CNIH3: variants seen among roughly 807,000 people sequenced by gnomAD.
CNIH3 encodes the protein protein cornichon homolog 3.
Under a neutral mutation model 24.1 loss-of-function variants are expected in CNIH3, and 14 were observed. That is an observed-to-expected ratio of 0.58 (90% CI 0.38 to 0.91). CNIH3 has a LOEUF of 0.91. CNIH3 is among the 40% of genes least tolerant of loss of function. The pLI is 0.00. For missense variants in CNIH3, 178 were observed against 196.8 expected (o/e 0.90, Z 0.57); for synonymous variants, 68 against 73.8 (o/e 0.92, Z 0.40).
rs1302902400 is a variant in CNIH3 at position 224,492,665 on chromosome 1, TG to T, written n.204-23075del. Among the ~76,000 whole-genome samples the T allele has an allele frequency of 3.9e-5, 6 of 152,350 alleles. No homozygotes were observed. In the East Asian group the frequency reaches 1.2e-3, roughly 29 times the overall value. Reference sequence around the variant, plus strand: ...GAATTTTAATAAGAAGATTTTATTTTGCTGATCTTGGGGTAGACAGTCTGCT... The same window carrying T: ...GAATTTTAATAAGAAGATTTTATTTTCTGATCTTGGGGTAGACAGTCTGCT... On this transcript the variant is annotated intron_variant and non_coding_transcript_variant, in intron 1 of 5. Coordinates refer to the CNIH3 transcript ENST00000471578.
intron 5 of CNIH3, among the ~76,000 whole-genome samples, chr1:224,583,927 G>A (rs764738129): frequency 2.6e-5 from 4 of 152,164 alleles, no homozygotes; most frequent in Admixed American, 6.5e-5. Context: ...TAGACCAGTC[G>A]CTGCTCCAAT....
At chr1:224,447,048 T>A (rs894575511) in intron 1 of CNIH3, among the ~76,000 whole-genome samples, 3 of 151,970 alleles carry the variant, frequency 2.0e-5, no homozygotes, top group African/African-American at 7.3e-5. Context: ...GTGTTAGGGT[T>A]CTCCCGAGAG....
chr1:224,671,308 A>C (rs909967265), intron 1 of CNIH3, among the ~76,000 whole-genome samples: 6 of 152,240 alleles, frequency 3.9e-5, no homozygotes, highest in Admixed American at 2.6e-4. Context: ...GCTGGTTGGA[A>C]GTTCAACTTC....
intron 1 of CNIH3, among the ~76,000 whole-genome samples, chr1:224,622,458 C>T (rs186272929): frequency 5.3e-5 from 8 of 152,260 alleles, no homozygotes; most frequent in African/African-American, 7.2e-5. Context: ...CGTTGCTTGC[C>T]GCTTTATCCT....
chr1:224,517,019 C>G (rs1037296398), intron 1 of CNIH3, among the ~76,000 whole-genome samples: 1 of 152,064 alleles, frequency 6.6e-6, no homozygotes, highest in South Asian at 2.1e-4. Flanking sequence ...CACCTGGATC[C>G]TGGAGATGGG....
At chr1:224,453,766 C>T (rs1675528928) in intron 1 of CNIH3, among the ~76,000 whole-genome samples, 2 of 152,072 alleles carry the variant, frequency 1.3e-5, no homozygotes, top group Non-Finnish European at 2.9e-5. Flanking sequence ...TCTGCCTCAG[C>T]CTCCTTCATG....
At chr1:224,714,686 A>G (rs146240116) in intron 3 of CNIH3, among the ~76,000 whole-genome samples, 3 of 152,338 alleles carry the variant, frequency 2.0e-5, no homozygotes, top group South Asian at 2.1e-4. Context: ...TGAGCTGCCC[A>G]TGATTGAAAT....
chr1:224,573,486 A>T (rs550859221), intron 4 of CNIH3, among the ~76,000 whole-genome samples: 2 of 152,334 alleles, frequency 1.3e-5, no homozygotes, highest in Non-Finnish European at 2.9e-5. Flanking sequence ...GGAGATCTTC[A>T]TAAGGCTGGA....
intron 5 of CNIH3, among the ~76,000 whole-genome samples, chr1:224,585,902 A>G (rs923296025): frequency 6.6e-6 from 1 of 152,204 alleles, no homozygotes; most frequent in Non-Finnish European, 1.5e-5. Context: ...ACTAGATTAG[A>G]TTTTTAAAAA....
intron 2 of CNIH3, among the ~76,000 whole-genome samples, chr1:224,536,284 C>CTTTTT (rs373201561): frequency 7.7e-4 from 66 of 86,086 alleles, no homozygotes; most frequent in East Asian, 4.4e-3. Flanking sequence ...TAATTGTTGT[C>CTTTTT]TTTTTTTTTT....
intron 1 of CNIH3, among the ~76,000 whole-genome samples, chr1:224,451,971 A>G (rs1285195064): frequency 3.3e-5 from 5 of 152,146 alleles, no homozygotes; most frequent in Non-Finnish European, 7.3e-5. Flanking sequence ...CTGCTTCTAT[A>G]CAGGTTATGT....
In CNIH3 at chr1:224,695,357, A is replaced by AACACAC. The variant is rs56245587; in HGVS notation, c.198+10547_198+10552dup. 1.4e-3 allele frequency among the ~76,000 whole-genome samples: 198 copies of AACACAC among 145,852 alleles called. 1 individual carries two copies. Among genetic ancestry groups the AACACAC allele is most frequent in the African/African-American group, 3.7e-3 (139 of 37,990 alleles). On this transcript the variant is annotated intron_variant, in intron 3 of 5. Transcript: ENST00000272133. ...GTTCCTTAAAATCTCTCTCTTTCTA[A>AACACAC]ACACACACACACACACACACACACA...
At chr1:224,706,224 G>A (rs1687802462) in intron 3 of CNIH3, among the ~76,000 whole-genome samples, 1 of 152,102 alleles carries the variant, frequency 6.6e-6, no homozygotes. Flanking sequence ...GGCTAGGGTG[G>A]GGACAAAAGT....
At chr1:224,439,525 T>C (rs1036208475) in intron 1 of CNIH3, among the ~76,000 whole-genome samples, 2 of 151,660 alleles carry the variant, frequency 1.3e-5, no homozygotes, top group African/African-American at 2.4e-5. Context: ...GCAGCACTTT[T>C]GCAGTATGGG....
At chr1:224,525,530 T>A (rs10799582) in intron 2 of CNIH3, among the ~76,000 whole-genome samples, 1 of 152,148 alleles carries the variant, frequency 6.6e-6, no homozygotes, top group Non-Finnish European at 1.5e-5. Context: ...AGCTCACTGA[T>A]GCATGGATGC....
At chr1:224,722,011 TG>T (rs901050079) in intron 3 of CNIH3, among the ~76,000 whole-genome samples, 2 of 152,052 alleles carry the variant, frequency 1.3e-5, no homozygotes, top group African/African-American at 4.8e-5. Context: ...CAACTGCCTT[TG>T]ACTGCAAATG....
At chr1:224,657,409 TAG>T (rs142879463) in intron 1 of CNIH3, among the ~76,000 whole-genome samples, 462 of 145,150 alleles carry the variant, frequency 3.2e-3, no homozygotes, top group Non-Finnish European at 3.2e-3. Context: ...AGAAATAGGG[TAG>T]AGAGAGAGAG....
At chr1:224,617,447 A>G (rs1683066060) in intron 1 of CNIH3, among the ~76,000 whole-genome samples, 192 bp downstream of exon 1, 1 of 152,134 alleles carries the variant, frequency 6.6e-6, no homozygotes, top group Non-Finnish European at 1.5e-5. Context: ...GCTGGAGGCG[A>G]GGGGCCGCTG....
chr1:224,545,858 G>A (rs1483707098), intron 2 of CNIH3, among the ~76,000 whole-genome samples: 1 of 152,154 alleles, frequency 6.6e-6, no homozygotes, highest in African/African-American at 2.4e-5. Flanking sequence ...CGGACTGGGT[G>A]GCTTCACTAT....
Sources: gnomAD v4.1 joint callset for allele counts (sites outside exome capture counted in the v4.1 genomes callset) on GRCh38, gnomAD v4.1.1 for gene constraint, MANE v1.5 for transcripts, NCBI Gene and HGNC (gene_info 2026-07-23, HGNC 2026-07-21) for gene names.